Variants in CNTNAP2 observed in about 807,000 individuals in gnomAD.
The protein encoded by CNTNAP2 is contactin-associated protein-like 2.
In CNTNAP2, 98 loss-of-function variants were observed where a neutral mutation model predicts 155.2. The observed-to-expected ratio is 0.63, with a 90% CI of 0.54 to 0.75. The LOEUF (loss-of-function observed/expected upper bound fraction) is 0.75. Ranked by LOEUF, CNTNAP2 falls within the 30% of genes least tolerant of loss-of-function variation. The probability of loss-of-function intolerance (pLI) is 0.00; values close to 1 mark genes in which losing one functional copy is unlikely to be tolerated. For synonymous variants in CNTNAP2, 651 were observed against 631.2 expected (o/e 1.03, Z -0.47); for missense variants, 1,727 against 1,688.1 (o/e 1.02, Z -0.40).
chr7:147,073,263 C>T (rs906773602), intron 4 of CNTNAP2, among the ~76,000 whole-genome samples: 13 of 148,216 alleles, frequency 8.8e-5, no homozygotes, highest in African/African-American at 3.3e-4. Flanking sequence ...TTTGCAGGGA[C>T]ACGGATGAAA....
intron 3 of CNTNAP2, among the ~76,000 whole-genome samples, chr7:146,917,037 A>G (rs1796408030): frequency 6.6e-6 from 1 of 152,152 alleles, no homozygotes; most frequent in Non-Finnish European, 1.5e-5. Flanking sequence ...CATTCAGTTC[A>G]AAGAAATTTT....
intron 8 of CNTNAP2, among the ~76,000 whole-genome samples, chr7:147,136,438 C>A (rs1801480192): frequency 6.6e-6 from 1 of 151,908 alleles, no homozygotes. Context: ...TTTTCATCTC[C>A]AAAGGAAATC....
At chr7:146,741,979 G>A (rs1034765984) in intron 1 of CNTNAP2, among the ~76,000 whole-genome samples, 3 of 151,450 alleles carry the variant, frequency 2.0e-5, no homozygotes, top group African/African-American at 4.9e-5. Context: ...GTGATGTGCT[G>A]TTTTTCAAGC....
chr7:148,180,183 C>G (rs1026311793), intron 18 of CNTNAP2, among the ~76,000 whole-genome samples: 1 of 152,196 alleles, frequency 6.6e-6, no homozygotes, highest in Non-Finnish European at 1.5e-5. Flanking sequence ...ATAATCCCAG[C>G]TTGGAAGACA....
chr7:146,166,245 C>A (rs1051556873), intron 1 of CNTNAP2, among the ~76,000 whole-genome samples: 2 of 152,106 alleles, frequency 1.3e-5, no homozygotes, highest in African/African-American at 2.4e-5. Context: ...AGGCACCCAC[C>A]ACCATGCCTG....
At chr7:147,488,210 C>A (rs528463503) in intron 11 of CNTNAP2, among the ~76,000 whole-genome samples, 2 of 152,292 alleles carry the variant, frequency 1.3e-5, no homozygotes, top group African/African-American at 4.8e-5. Flanking sequence ...TTCAGTTTGA[C>A]ACAGAATGAA....
At chr7:147,431,131 T>C (rs1053712477) in intron 10 of CNTNAP2, among the ~76,000 whole-genome samples, 1 of 152,060 alleles carries the variant, frequency 6.6e-6, no homozygotes, top group African/African-American at 2.4e-5. Flanking sequence ...TCATATGGTA[T>C]GACTGGCTTG....
chr7:148,094,700 A>G (rs1310218755), intron 15 of CNTNAP2, among the ~76,000 whole-genome samples: 4 of 152,210 alleles, frequency 2.6e-5, no homozygotes, highest in Non-Finnish European at 5.9e-5. Flanking sequence ...CATAATATGG[A>G]CGGTGATATT....
At chr7:148,050,736 A>G (rs184699883) in intron 15 of CNTNAP2, among the ~76,000 whole-genome samples, 2 of 152,308 alleles carry the variant, frequency 1.3e-5, no homozygotes, top group East Asian at 3.9e-4. Flanking sequence ...TCCATTCATG[A>G]TAAGTGCCCT....
At chr7:148,288,069 C>T (rs1056506685) in intron 21 of CNTNAP2, among the ~76,000 whole-genome samples, 5 of 149,906 alleles carry the variant, frequency 3.3e-5, no homozygotes, top group South Asian at 2.1e-4. Context: ...GGATTACAGG[C>T]GTGAGCCACC....
intron 1 of CNTNAP2, among the ~76,000 whole-genome samples, chr7:146,402,482 T>G (rs1246727291): frequency 6.6e-6 from 1 of 152,106 alleles, no homozygotes; most frequent in Non-Finnish European, 1.5e-5. Context: ...TGTAAAACCA[T>G]AAGGATAGCT....
chr7:147,814,719 G>A (rs1798238804), intron 13 of CNTNAP2, among the ~76,000 whole-genome samples: 1 of 151,982 alleles, frequency 6.6e-6, no homozygotes, highest in Admixed American at 6.5e-5. Flanking sequence ...TCAAACAAGA[G>A]GTATTTCAGA....
Position 147,919,459 on chromosome 7 carries a change from C to CTTTCTTTTTTTTT in CNTNAP2, c.2255+15741_2255+15742insCTTTTTTTTTTTT, listed in dbSNP as rs58537091. On this transcript the variant is annotated intron_variant, in intron 14 of 23. Coordinates refer to ENST00000361727, the MANE Select transcript of CNTNAP2 (RefSeq NM_014141.6). ...CACCATGTCTGGCTACTTTTTCTTT[C>CTTTCTTTTTTTTT]TTTTTTTTTTTTTTTTTGAGACAGA... 4.7e-4 allele frequency among the ~76,000 whole-genome samples: 24 copies of CTTTCTTTTTTTTT among 51,226 alleles called. 6 individuals are homozygous for CTTTCTTTTTTTTT. The highest frequency in any genetic ancestry group is 1.4e-3 in the African/African-American group (13 of 9,300). The allele number at this position is 51,226 out of a possible 152,430, so 33.6% of individuals were successfully genotyped here.
chr7:148,177,198 CA>C (rs1378791575), intron 18 of CNTNAP2, among the ~76,000 whole-genome samples: 1 of 152,166 alleles, frequency 6.6e-6, no homozygotes, highest in Non-Finnish European at 1.5e-5. Context: ...CTTCAGAATA[CA>C]ACGTTGTTTG....
At chr7:147,413,562 GA>G (rs937935332) in intron 10 of CNTNAP2, among the ~76,000 whole-genome samples, 2 of 150,658 alleles carry the variant, frequency 1.3e-5, no homozygotes, top group Non-Finnish European at 1.5e-5. Context: ...GGGGTGCAGA[GA>G]AAAAAAAATG....
intron 1 of CNTNAP2, among the ~76,000 whole-genome samples, chr7:146,189,716 T>C (rs1798674952): frequency 6.6e-6 from 1 of 152,162 alleles, no homozygotes; most frequent in South Asian, 2.1e-4. Context: ...ATTTTGCAGG[T>C]GCGACTGAGT....
intron 1 of CNTNAP2, among the ~76,000 whole-genome samples, chr7:146,603,606 C>T (rs1285091587): frequency 6.6e-6 from 1 of 150,766 alleles, no homozygotes; most frequent in Non-Finnish European, 1.5e-5. Flanking sequence ...AAAGAGCCCG[C>T]ATTGCCAAGT....
At chr7:146,354,597 T>C (rs1160497338) in intron 1 of CNTNAP2, among the ~76,000 whole-genome samples, 1 of 152,014 alleles carries the variant, frequency 6.6e-6, no homozygotes, top group Non-Finnish European at 1.5e-5. Flanking sequence ...GTATTTTTAG[T>C]AAAGATGGGG....
intron 18 of CNTNAP2, among the ~76,000 whole-genome samples, chr7:148,191,126 T>A (rs1341683069): frequency 6.6e-6 from 1 of 152,180 alleles, no homozygotes; most frequent in Non-Finnish European, 1.5e-5. Flanking sequence ...TGCAGAAGTG[T>A]TGGGAGGTGA....
Sources: gnomAD v4.1 joint callset for allele counts (sites outside exome capture counted in the v4.1 genomes callset) on GRCh38, gnomAD v4.1.1 for gene constraint, MANE v1.5 for transcripts, NCBI Gene and HGNC (gene_info 2026-07-23, HGNC 2026-07-21) for gene names.